Variants in AFF3 observed in about 807,000 individuals in gnomAD.
AFF3 encodes the protein ALF transcription elongation factor 3.
A neutral mutation model predicts 129.7 loss-of-function variants in AFF3; 32 were observed. The ratio of observed to expected loss-of-function variants is 0.25; its 90% CI spans 0.19 to 0.33. The LOEUF (loss-of-function observed/expected upper bound fraction) is 0.33. Among genes scored for constraint, AFF3 ranks in the 10% least tolerant of loss-of-function variants. The pLI, the probability that AFF3 is intolerant of heterozygous loss-of-function variation, is 1.00. For missense variants in AFF3, 1,373 were observed against 1,592.0 expected, an observed-to-expected ratio of 0.86 and a Z score of 2.34; for synonymous variants, 644 against 635.4, an observed-to-expected ratio of 1.01 and a Z score of -0.20.
chr2:99,766,204 C>G (rs556462069), intron 8 of AFF3, among the ~76,000 whole-genome samples: 14 of 152,342 alleles, frequency 9.2e-5, no homozygotes, highest in African/African-American at 3.4e-4. Context: ...GATCAAAGTT[C>G]CCGGTCAGGT....
At chr2:99,870,930 G>A (rs1270100465) in intron 7 of AFF3, among the ~76,000 whole-genome samples, 1 of 152,130 alleles carries the variant, frequency 6.6e-6, no homozygotes, top group African/African-American at 2.4e-5. Flanking sequence ...CTATAAAATA[G>A]GCAATATAAG....
At chr2:100,092,320 C>T (rs565710053) in intron 4 of AFF3, among the ~76,000 whole-genome samples, 182 of 152,022 alleles carry the variant, frequency 1.2e-3, no homozygotes, top group Non-Finnish European at 1.7e-3. Flanking sequence ...TGTCATGCCC[C>T]CAACAGCTCT....
intron 4 of AFF3, among the ~76,000 whole-genome samples, chr2:100,049,033 C>G (rs560731497): frequency 6.6e-6 from 1 of 152,134 alleles, no homozygotes; most frequent in East Asian, 1.9e-4. Flanking sequence ...AATATTGAGG[C>G]ACAGTAACTA....
intron 11 of AFF3, among the ~76,000 whole-genome samples, chr2:99,684,149 T>C (rs1674802564): frequency 6.6e-6 from 1 of 152,194 alleles, no homozygotes; most frequent in Middle Eastern, 3.2e-3. Flanking sequence ...AACTTAAAGC[T>C]TTCTCCACCT....
At chr2:99,746,675 C>A (rs951525297) in intron 9 of AFF3, among the ~76,000 whole-genome samples, 1 of 152,094 alleles carries the variant, frequency 6.6e-6, no homozygotes, top group African/African-American at 2.4e-5. Flanking sequence ...ATGATTTTGG[C>A]CTATTTTGGA....
At chr2:100,079,382 ATTAG>A (rs1486067283) in intron 4 of AFF3, among the ~76,000 whole-genome samples, 1 of 152,250 alleles carries the variant, frequency 6.6e-6, no homozygotes, top group Non-Finnish European at 1.5e-5. Context: ...AAATTAATTA[ATTAG>A]TTAAAGCCAA....
intron 8 of AFF3, among the ~76,000 whole-genome samples, chr2:99,802,538 C>T (rs1686020822): frequency 6.6e-6 from 1 of 152,082 alleles, no homozygotes. Flanking sequence ...TGGTGTGCGC[C>T]TGTAGTCCTA....
At chr2:100,075,511 C>T (rs1383344770) in intron 4 of AFF3, among the ~76,000 whole-genome samples, 1 of 152,118 alleles carries the variant, frequency 6.6e-6, no homozygotes, top group African/African-American at 2.4e-5. Context: ...GAATGCCCTT[C>T]CACAGAGCAC....
chr2:100,105,535 C>T lies in AFF3; in HGVS notation c.-96G>A. ...GGGGGACAAACTGGCCTCTGGGTGT[C>T]GACTTCAAACTTGCCGCCCGTCTCC... On this transcript the variant is annotated 5_prime_UTR_variant, in exon 3 of 25. Coordinates refer to ENST00000672756, the MANE Select transcript of AFF3 (RefSeq NM_001386135.1). 7.5e-7 allele frequency: 1 copy of T among 1,331,786 alleles called. No individual in the cohort carries two copies. Among genetic ancestry groups the T allele is most frequent in the Non-Finnish European group, 1.0e-6 (1 of 1,004,918 alleles). 82.5% of individuals were successfully genotyped at this position (1,331,786 alleles called of 1,614,324 possible).
chr2:99,840,334 A>G (rs1410645702), intron 7 of AFF3, among the ~76,000 whole-genome samples: 1 of 152,154 alleles, frequency 6.6e-6, no homozygotes. Flanking sequence ...CTTTGATACA[A>G]TCGTCTGGGA....
intron 3 of AFF3, 190 bp from the exon 4 acceptor site, chr2:100,104,708 A>G (rs1282987842): frequency 1.0e-6 from 1 of 958,092 alleles, no homozygotes; most frequent in African/African-American, 2.0e-5. Context: ...AAGAGAGAGC[A>G]GCGAGCTCGC....
At chr2:99,732,469 T>A (rs1403399038) in intron 10 of AFF3, among the ~76,000 whole-genome samples, 1 of 152,192 alleles carries the variant, frequency 6.6e-6, no homozygotes, top group East Asian at 1.9e-4. Context: ...TAGTTGTTGT[T>A]TCTAAACTTC....
intron 8 of AFF3, among the ~76,000 whole-genome samples, chr2:99,791,609 G>T (rs902414863): frequency 6.6e-6 from 1 of 152,024 alleles, no homozygotes; most frequent in Non-Finnish European, 1.5e-5. Flanking sequence ...TTCTGAATTT[G>T]CCCCCTCATT....
chr2:99,757,558 T>A (rs1423388096), intron 8 of AFF3, among the ~76,000 whole-genome samples: 3 of 152,230 alleles, frequency 2.0e-5, no homozygotes, highest in Non-Finnish European at 4.4e-5. Flanking sequence ...TAGGCTTTAT[T>A]ATTTTCTTAC....
chr2:99,787,337 T>C (rs1042830858), intron 8 of AFF3, among the ~76,000 whole-genome samples: 3 of 152,066 alleles, frequency 2.0e-5, no homozygotes, highest in African/African-American at 4.8e-5. Flanking sequence ...GTCAAGGTGC[T>C]CTCTGGAGCC....
At chr2:99,688,717 T>A (rs1160545271) in intron 11 of AFF3, among the ~76,000 whole-genome samples, 1 of 152,088 alleles carries the variant, frequency 6.6e-6, no homozygotes, top group Non-Finnish European at 1.5e-5. Context: ...CATGTCCTCA[T>A]CCACTCCCAA....
chr2:99,881,585 GA>G (rs1210459751), intron 7 of AFF3, among the ~76,000 whole-genome samples: 1 of 151,510 alleles, frequency 6.6e-6, no homozygotes, highest in African/African-American at 2.4e-5. Context: ...TTGGTGATTT[GA>G]AAAGAAAAAA....
chr2:99,932,485 G>A lies in AFF3; in HGVS notation c.873+74147C>T, dbSNP rs573925232. Among the ~76,000 whole-genome samples, 17 of 152,256 alleles carry A rather than the reference G, an allele frequency of 1.1e-4. No homozygotes were observed. In the South Asian group the frequency reaches 2.7e-3, roughly 24 times the overall value. ...ACAGACACAGCCATGAGAATGTTCC[G>A]CTCCACAGGGGCCATCAGTGCAAAT... On this transcript the variant is annotated intron_variant, in intron 7 of 24. Transcript: ENST00000672756.
chr2:99,874,401 G>A (rs1267856803), intron 7 of AFF3, among the ~76,000 whole-genome samples: 1 of 152,178 alleles, frequency 6.6e-6, no homozygotes, highest in Non-Finnish European at 1.5e-5. Flanking sequence ...CCCTGAACCT[G>A]ATGTGCAATG....
Sources: allele counts gnomAD v4.1 joint callset (sites outside exome capture counted in the v4.1 genomes callset), GRCh38; gene constraint gnomAD v4.1.1; transcripts MANE v1.5; gene names NCBI Gene and HGNC (gene_info 2026-07-23, HGNC 2026-07-21).